KPNA6: variants seen among roughly 807,000 people sequenced by gnomAD.
The protein encoded by KPNA6 is karyopherin subunit alpha 6.
KPNA6 carries 9 observed loss-of-function variants against 72.0 expected under a neutral mutation model. The observed-to-expected ratio is 0.13, with a 90% confidence interval of 0.08 to 0.22. The LOEUF (loss-of-function observed/expected upper bound fraction) is 0.22, where lower values mean the gene tolerates loss of function less well. Among genes scored for constraint, KPNA6 ranks in the 10% least tolerant of loss-of-function variants. The probability of loss-of-function intolerance (pLI) is 1.00; values close to 1 mark genes in which losing one functional copy is unlikely to be tolerated. For synonymous variants in KPNA6, 219 were observed against 242.1 expected, an observed-to-expected ratio of 0.90 and a Z score of 0.89; for missense variants, 374 against 655.7, an observed-to-expected ratio of 0.57 and a Z score of 4.69.
In KPNA6 at chr1:32,150,948, G is replaced by T. The variant is rs142567192; in HGVS notation, c.5-3640G>T. 9.3e-3 allele frequency among the ~76,000 whole-genome samples: 1,413 copies of T among 151,904 alleles called. 8 individuals are homozygous for T. Among genetic ancestry groups the T allele is most frequent in the Non-Finnish European group, 0.016 (1,061 of 67,892 alleles). ...GCTGTTTTTGTTTTTTAGAGACAGG[G>T]TCTCACTCTGTTGCCCAGGCTGGAG... On this transcript the variant is annotated intron_variant, in intron 1 of 13. Transcript: ENST00000373625.
At chr1:32,158,516 A>T (rs1441803604) in intron 5 of KPNA6, among the ~76,000 whole-genome samples, 155 bp downstream of exon 5, 2 of 152,198 alleles carry the variant, frequency 1.3e-5, no homozygotes, top group Non-Finnish European at 2.9e-5. Flanking sequence ...TTCCTCAAGC[A>T]TTTATCCTTT....
At chr1:32,143,774 CTT>C (rs1284173808) in intron 1 of KPNA6, among the ~76,000 whole-genome samples, 1 of 152,106 alleles carries the variant, frequency 6.6e-6, no homozygotes, top group African/African-American at 2.4e-5. Context: ...TTCCTCTCCT[CTT>C]AGCACCTGGT....
At chr1:32,115,625 A>G (rs539591847) in intron 1 of KPNA6, among the ~76,000 whole-genome samples, 7 of 150,994 alleles carry the variant, frequency 4.6e-5, no homozygotes, top group African/African-American at 1.5e-4. Flanking sequence ...GTGTGTCACC[A>G]TGTTGCCCAG....
intron 1 of KPNA6, among the ~76,000 whole-genome samples, chr1:32,144,641 C>T (rs1378512299): frequency 6.6e-6 from 1 of 152,000 alleles, no homozygotes; most frequent in African/African-American, 2.4e-5. Context: ...TAGTATGTCA[C>T]TGTGGTTTTT....
rs905092125 is a variant in KPNA6 at position 32,172,177 on chromosome 1, C to T, written c.*1283C>T. 2.0e-5 allele frequency: 3 copies of T among 152,158 alleles called. No individual in the cohort carries two copies. Among genetic ancestry groups the T allele is most frequent in the Admixed American group, 6.5e-5 (1 of 15,270 alleles). The allele number at this position is 152,158 out of a possible 1,614,324, so 9.4% of individuals were successfully genotyped here. A position where few individuals can be genotyped will look rare whatever the true frequency, so the allele number is the denominator to read the frequency against. ...CCAAAAAGAGATATGGATGCTTCCT[C>T]GCTCAGGAGGCCTGAGCTTGGTCCT... On this transcript the variant is annotated 3_prime_UTR_variant, in exon 14 of 14. Transcript: ENST00000373625.
intron 7 of KPNA6, 105 bp from the exon 8 acceptor site, chr1:32,161,842 C>A: frequency 1.3e-6 from 1 of 795,804 alleles, no homozygotes. Context: ...AAGAAACAGG[C>A]TGCTAGAGTC....
At chr1:32,167,859 A>C (rs72666769) in intron 12 of KPNA6, among the ~76,000 whole-genome samples, 15,660 of 148,296 alleles carry the variant, frequency 0.11, 992 homozygotes, top group South Asian at 0.25. Flanking sequence ...GTCACAAAAA[A>C]AAAAAAAAAC....
chr1:32,142,050 C>T (rs1345901268), intron 1 of KPNA6, among the ~76,000 whole-genome samples: 2 of 151,750 alleles, frequency 1.3e-5, no homozygotes, highest in Non-Finnish European at 2.9e-5. Flanking sequence ...GGGCGGATCA[C>T]GGAGTTTGAG....
chr1:32,134,510 C>T (rs187586412), intron 1 of KPNA6, among the ~76,000 whole-genome samples: 14 of 151,640 alleles, frequency 9.2e-5, no homozygotes, highest in African/African-American at 2.9e-4. Context: ...ATGTGGTGCA[C>T]GCCTATAATC....
intron 1 of KPNA6, among the ~76,000 whole-genome samples, chr1:32,137,478 C>T (rs1641754692): frequency 6.6e-6 from 1 of 152,072 alleles, no homozygotes; most frequent in African/African-American, 2.4e-5. Context: ...TGGCTACTTC[C>T]CCCAATTTCT....
chr1:32,139,354 G>C (rs976350539), intron 1 of KPNA6, among the ~76,000 whole-genome samples: 1 of 152,136 alleles, frequency 6.6e-6, no homozygotes, highest in South Asian at 2.1e-4. Context: ...AAGGAAAAGC[G>C]TTGAAGGCAA....
chr1:32,145,798 T>C (rs2124030452), intron 1 of KPNA6, among the ~76,000 whole-genome samples: 1 of 152,350 alleles, frequency 6.6e-6, no homozygotes, highest in Non-Finnish European at 1.5e-5. Flanking sequence ...CTTATCCTTA[T>C]GCCAGTACCA....
intron 1 of KPNA6, among the ~76,000 whole-genome samples, chr1:32,137,667 A>G (rs1484043485): frequency 6.6e-6 from 1 of 152,206 alleles, no homozygotes; most frequent in East Asian, 1.9e-4. Flanking sequence ...CTTGTTCTCA[A>G]AGATTTAATA....
At chr1:32,128,115 A>G (rs1055160568) in intron 1 of KPNA6, among the ~76,000 whole-genome samples, 1 of 151,864 alleles carries the variant, frequency 6.6e-6, no homozygotes, top group African/African-American at 2.4e-5. Flanking sequence ...AGTGGCAGTG[A>G]AGTGTTCCTA....
At chr1:32,137,794 A>C (rs1310814033) in intron 1 of KPNA6, among the ~76,000 whole-genome samples, 1 of 152,140 alleles carries the variant, frequency 6.6e-6, no homozygotes, top group Non-Finnish European at 1.5e-5. Context: ...GAGAATGTTC[A>C]TGGGTGACTC....
intron 6 of KPNA6, 68 bp from the exon 7 acceptor site, chr1:32,160,547 T>G (rs1173340832): frequency 8.3e-7 from 1 of 1,200,498 alleles, no homozygotes; most frequent in Non-Finnish European, 1.2e-6. Flanking sequence ...CACTTTGCAG[T>G]TGTGGCTATA....
intron 1 of KPNA6, among the ~76,000 whole-genome samples, chr1:32,121,857 C>T (rs1043729862): frequency 6.6e-6 from 1 of 151,708 alleles, no homozygotes; most frequent in Non-Finnish European, 1.5e-5. Flanking sequence ...CCTGTAATCC[C>T]AGCAACTCAG....
intron 1 of KPNA6, among the ~76,000 whole-genome samples, chr1:32,113,016 ATT>A (rs2124519350): frequency 6.6e-6 from 1 of 152,112 alleles, no homozygotes; most frequent in South Asian, 2.1e-4. Context: ...GTTTGATAAC[ATT>A]TCTCTCTGCC....
intron 1 of KPNA6, among the ~76,000 whole-genome samples, chr1:32,111,340 G>C (rs140854114): frequency 6.6e-6 from 1 of 152,168 alleles, no homozygotes; most frequent in Non-Finnish European, 1.5e-5. Flanking sequence ...AAGAAATAAA[G>C]TTAGTCCTAT....
Sources: allele counts gnomAD v4.1 joint callset (sites outside exome capture counted in the v4.1 genomes callset), GRCh38; gene constraint gnomAD v4.1.1; transcripts MANE v1.5; gene names NCBI Gene and HGNC (gene_info 2026-07-23, HGNC 2026-07-21).